Variants in FSTL4 observed in about 807,000 individuals in gnomAD.
FSTL4 encodes follistatin-related protein 4.
Under a neutral mutation model 78.2 loss-of-function variants are expected in FSTL4, and 28 were observed. The ratio of observed to expected loss-of-function variants is 0.36; its 90% confidence interval spans 0.27 to 0.49. FSTL4 has a LOEUF of 0.49. Ranked by LOEUF, FSTL4 falls within the 20% of genes least tolerant of loss-of-function variation. The pLI is 0.98. For synonymous variants in FSTL4, 422 were observed against 440.5 expected (o/e 0.96, Z 0.53); for missense variants, 922 against 1,084.9 (o/e 0.85, Z 2.11).
chr5:133,635,053 A>G, the FSTL4 span, among the ~76,000 whole-genome samples: 2 of 150,050 alleles, frequency 1.3e-5, no homozygotes, highest in African/African-American at 4.9e-5. Context: ...CATTTTATTG[A>G]TCTCTTGCCT....
intron 6 of FSTL4, among the ~76,000 whole-genome samples, chr5:133,288,611 C>A (rs1286730079): frequency 6.6e-6 from 1 of 152,250 alleles, no homozygotes; most frequent in Admixed American, 6.5e-5. Context: ...AGATGAAGCA[C>A]CAAGCTTTTA....
the FSTL4 span, among the ~76,000 whole-genome samples, chr5:133,792,914 G>T: frequency 1.3e-5 from 2 of 152,202 alleles, no homozygotes; most frequent in African/African-American, 4.8e-5. Flanking sequence ...CGGGCTCAGA[G>T]CAGGAGGGGA....
chr5:133,247,373 C>T (rs549173010), intron 7 of FSTL4: 1 of 152,372 alleles, frequency 6.6e-6, no homozygotes, highest in Non-Finnish European at 1.5e-5. Flanking sequence ...ATTTAATTAA[C>T]TGATGGCAAG....
the FSTL4 span, among the ~76,000 whole-genome samples, chr5:133,773,582 C>T: frequency 1.3e-5 from 2 of 152,224 alleles, no homozygotes; most frequent in Non-Finnish European, 1.5e-5. Context: ...CTCTCCCTTG[C>T]GTACAGCTTT....
chr5:133,488,783 G>A (rs770961158), intron 3 of FSTL4, among the ~76,000 whole-genome samples: 3 of 152,170 alleles, frequency 2.0e-5, no homozygotes, highest in Non-Finnish European at 2.9e-5. Flanking sequence ...GGCTGCAAAT[G>A]AGCCATGAGT....
chr5:133,397,012 A>T (rs1051938152), intron 4 of FSTL4, among the ~76,000 whole-genome samples: 2 of 152,168 alleles, frequency 1.3e-5, no homozygotes, highest in African/African-American at 4.8e-5. Flanking sequence ...TTTCTTCCAT[A>T]ATTTCATGGT....
upstream of FSTL4, among the ~76,000 whole-genome samples, chr5:133,613,744 C>G (rs1761153354): frequency 6.6e-6 from 1 of 152,190 alleles, no homozygotes; most frequent in Non-Finnish European, 1.5e-5. Context: ...AATCGTATCT[C>G]TACTGTAGGT....
chr5:133,298,788 C>A (rs573306937), intron 6 of FSTL4, among the ~76,000 whole-genome samples: 1 of 152,352 alleles, frequency 6.6e-6, no homozygotes, highest in South Asian at 2.1e-4. Flanking sequence ...ACTTGCCAGG[C>A]CATTCTCCCT....
rs1304164688 is a variant in FSTL4 at position 133,196,951 on chromosome 5, A to C, written c.*2144T>G. The stretch of plus-strand genomic sequence containing the variant: ...CCAGGAAATGCACTCTGAGGACAGC[A>C]AAGGGCAGCTATGCTTTTTTAGACA... On this transcript the variant is annotated 3_prime_UTR_variant, in exon 16 of 16. Coordinates refer to ENST00000265342, the MANE Select transcript of FSTL4 (RefSeq NM_015082.2). 1 of 152,284 alleles carries C rather than the reference A, an allele frequency of 6.6e-6. No homozygotes were observed. Among genetic ancestry groups the C allele is most frequent in the Non-Finnish European group, 1.5e-5 (1 of 68,074 alleles). 9.4% of individuals were successfully genotyped at this position (152,284 alleles called of 1,614,324 possible). A position where few individuals can be genotyped will look rare whatever the true frequency, so the allele number is the denominator to read the frequency against.
the FSTL4 span, among the ~76,000 whole-genome samples, chr5:133,703,640 G>A: frequency 6.6e-6 from 1 of 152,196 alleles, no homozygotes. Flanking sequence ...TTCCAGAGAG[G>A]AAATGGAGCC....
intron 15 of FSTL4, among the ~76,000 whole-genome samples, chr5:133,201,397 A>G (rs1750315687): frequency 6.6e-6 from 1 of 152,192 alleles, no homozygotes; most frequent in Non-Finnish European, 1.5e-5. Context: ...GGCTCCCCAC[A>G]CAGATGCTCT....
chr5:133,325,989 T>C (rs1754202977), intron 4 of FSTL4, among the ~76,000 whole-genome samples: 1 of 152,356 alleles, frequency 6.6e-6, no homozygotes, highest in Admixed American at 6.5e-5. Flanking sequence ...CCATGTTATA[T>C]AGCTCAGTGC....
intron 4 of FSTL4, 41 bp downstream of exon 4, chr5:133,400,697 T>C (rs892216061): frequency 7.5e-6 from 12 of 1,592,980 alleles, no homozygotes; most frequent in Non-Finnish European, 1.0e-5. Flanking sequence ...GGAAGACCCA[T>C]CACAAAACCC....
chr5:133,646,605 G>A, the FSTL4 span, among the ~76,000 whole-genome samples: 2 of 152,160 alleles, frequency 1.3e-5, no homozygotes, highest in East Asian at 3.8e-4. Context: ...CAGGGAAGCG[G>A]TAAAGATGAA....
At chr5:133,714,099 G>A in the FSTL4 span, among the ~76,000 whole-genome samples, 224 of 152,274 alleles carry the variant, frequency 1.5e-3, no homozygotes, top group Admixed American at 4.8e-3. Flanking sequence ...CCAAGGGCTC[G>A]TCTGGGCGCT....
At chr5:133,232,391 G>A (rs1462243422) in intron 8 of FSTL4, among the ~76,000 whole-genome samples, 2 of 152,052 alleles carry the variant, frequency 1.3e-5, no homozygotes. Context: ...TTCTATTCTT[G>A]GCTTGAACGT....
intron 2 of FSTL4, among the ~76,000 whole-genome samples, chr5:133,579,133 G>T (rs187263559): frequency 6.6e-6 from 1 of 152,182 alleles, no homozygotes; most frequent in African/African-American, 2.4e-5. Context: ...CAAAAGCAAT[G>T]GTCATACTGG....
intron 3 of FSTL4, among the ~76,000 whole-genome samples, chr5:133,528,173 T>C (rs1759174797): frequency 6.6e-6 from 1 of 152,196 alleles, no homozygotes; most frequent in Non-Finnish European, 1.5e-5. Context: ...CTATTATGGC[T>C]CTAAGAAATA....
intron 6 of FSTL4, among the ~76,000 whole-genome samples, chr5:133,262,396 G>A (rs75808488): frequency 0.027 from 4,091 of 152,230 alleles, 187 homozygotes; most frequent in African/African-American, 0.092. Context: ...TCACCTAAAG[G>A]GCCTAATTGT....
Sources: gnomAD v4.1 joint callset for allele counts (sites outside exome capture counted in the v4.1 genomes callset) on GRCh38, gnomAD v4.1.1 for gene constraint, MANE v1.5 for transcripts, NCBI Gene and HGNC (gene_info 2026-07-23, HGNC 2026-07-21) for gene names.